The following HSPA4L variants were observed in gnomAD, a reference collection of about 807,000 sequenced individuals.
HSPA4L encodes the protein heat shock 70 kDa protein 4L.
In HSPA4L, 48 loss-of-function variants were observed where a neutral mutation model predicts 100.3. The observed-to-expected ratio is 0.48, with a 90% confidence interval of 0.38 to 0.61. The LOEUF (loss-of-function observed/expected upper bound fraction) is 0.61, where lower values mean the gene tolerates loss of function less well. Ranked by LOEUF, HSPA4L falls within the 20% of genes least tolerant of loss-of-function variation. HSPA4L has a pLI of 0.00. For missense variants in HSPA4L, 886 were observed against 988.6 expected, an observed-to-expected ratio of 0.90 and a Z score of 1.39; for synonymous variants, 319 against 328.2, an observed-to-expected ratio of 0.97 and a Z score of 0.30.
intron 16 of HSPA4L, among the ~76,000 whole-genome samples, chr4:127,825,465 A>G (rs1298272563): frequency 6.6e-6 from 1 of 152,186 alleles, no homozygotes; most frequent in African/African-American, 2.4e-5. Context: ...GGTGTGCAAA[A>G]GAAGTTACTC....
In HSPA4L at chr4:127,836,144, G is replaced by T. The variant is rs1298381200; in HGVS notation, c.*3270G>T. 6.6e-6 allele frequency: 1 copy of T among 152,250 alleles called. No individual in the cohort carries two copies. The allele number at this position is 152,250 out of a possible 1,614,324, so 9.4% of individuals were successfully genotyped here. A position where few individuals can be genotyped will look rare whatever the true frequency, so the allele number is the denominator to read the frequency against. On this transcript the variant is annotated 3_prime_UTR_variant, in exon 19 of 19. Coordinates refer to ENST00000296464, the MANE Select transcript of HSPA4L (RefSeq NM_014278.4). The stretch of plus-strand genomic sequence containing the variant: ...GCACTTTGGGAGGCCAAGGCGGGCA[G>T]ATCACGAGGTCAGGAGATCAAGACC...
intron 14 of HSPA4L, among the ~76,000 whole-genome samples, chr4:127,821,801 A>G (rs527441385): frequency 2.6e-5 from 4 of 152,262 alleles, no homozygotes; most frequent in Admixed American, 2.0e-4. Context: ...TAGCAGCCCT[A>G]TGAGTTAGAT....
chr4:127,802,300 C>G (rs1056910300), intron 6 of HSPA4L, among the ~76,000 whole-genome samples: 3 of 152,016 alleles, frequency 2.0e-5, no homozygotes, highest in Admixed American at 6.6e-5. Context: ...TTTTAGAAAC[C>G]TTTCTATCCA....
chr4:127,800,881 C>A (rs1400494178), intron 4 of HSPA4L, among the ~76,000 whole-genome samples: 1 of 152,034 alleles, frequency 6.6e-6, no homozygotes, highest in Non-Finnish European at 1.5e-5. Flanking sequence ...CAGAATAACA[C>A]AGGAAGTATT....
intron 17 of HSPA4L, among the ~76,000 whole-genome samples, chr4:127,829,090 A>G (rs1281502525): frequency 6.6e-6 from 1 of 152,172 alleles, no homozygotes; most frequent in Non-Finnish European, 1.5e-5. Context: ...CAGGGTTGGA[A>G]GAGGTTTGTC....
At chr4:127,782,244 G>A (rs1732574254), upstream of HSPA4L, 4 of 406,802 alleles carry the variant, frequency 9.8e-6, no homozygotes, top group Admixed American at 7.7e-5. Flanking sequence ...GCGCGGAGCG[G>A]AGGCTCGCGC....
In HSPA4L at chr4:127,836,461, G is replaced by A. The variant is rs940182648; in HGVS notation, c.*3587G>A. The A allele has an allele frequency of 6.6e-6, 1 of 151,952 alleles. No homozygotes were observed. The highest frequency in any genetic ancestry group is 2.4e-5 in the African/African-American group (1 of 41,372). The allele number at this position is 151,952 out of a possible 1,614,324, so 9.4% of individuals were successfully genotyped here. On this transcript the variant is annotated 3_prime_UTR_variant, in exon 19 of 19. Transcript: ENST00000296464. ...TAAAGGTTTCTTATGCTTTTTTGGG[G>A]GGGGGTGTCAATTTTTAGTATATTA...
Position 127,805,136 on chromosome 4 carries a change from T to C in HSPA4L, c.1049T>C (p.Val350Ala). 1 of 1,611,856 alleles carries C rather than the reference T, an allele frequency of 6.2e-7. No individual in the cohort carries two copies. The highest frequency in any genetic ancestry group is 8.5e-7 in the Non-Finnish European group (1 of 1,178,366). The change falls in exon 9 of 19, where the codon GTG becomes GCG. Residue 350 changes from valine to alanine, a missense_variant. Transcript: ENST00000296464. ...GGAGGAGCAACACGAATTCCTGCAG[T>C]GAAAGAACAAATCACTAAATTCTTT... Reference protein sequence around the residue: ...IVGGATRIPAVKEQITKFFLK... With the variant: ...IVGGATRIPAAKEQITKFFLK...
chr4:127,831,598 T>C (rs865791874), intron 18 of HSPA4L, among the ~76,000 whole-genome samples: 4 of 151,456 alleles, frequency 2.6e-5, no homozygotes, highest in African/African-American at 9.7e-5. Flanking sequence ...TATGCAGCCA[T>C]TAAATATAGC....
intron 6 of HSPA4L, among the ~76,000 whole-genome samples, chr4:127,803,422 A>G (rs1478685152): frequency 3.9e-5 from 6 of 152,188 alleles, no homozygotes; most frequent in South Asian, 4.1e-4. Flanking sequence ...ATCTGTAACT[A>G]TAAAGTAGAA....
intron 14 of HSPA4L, 114 bp downstream of exon 14, chr4:127,820,679 T>C (rs1733788463): frequency 1.1e-6 from 1 of 913,138 alleles, no homozygotes; most frequent in Non-Finnish European, 1.7e-6. Flanking sequence ...TAAGGAATTA[T>C]ATTAAGTAGA....
At chr4:127,811,396 T>C (rs745786266) in intron 11 of HSPA4L, 41 bp from the exon 12 acceptor site, 39 of 1,433,534 alleles carry the variant, frequency 2.7e-5, no homozygotes, top group Non-Finnish European at 3.4e-5. Context: ...AATAAGTTAA[T>C]CTGAGGCTCA....
chr4:127,809,942 C>T (rs1322655864), intron 11 of HSPA4L, among the ~76,000 whole-genome samples: 2 of 152,154 alleles, frequency 1.3e-5, no homozygotes, highest in East Asian at 3.8e-4. Flanking sequence ...AGTTTACAGT[C>T]AACATGTATC....
chr4:127,795,555 T>C (rs1732994350), intron 2 of HSPA4L, among the ~76,000 whole-genome samples: 1 of 152,120 alleles, frequency 6.6e-6, no homozygotes, highest in Admixed American at 6.5e-5. Context: ...ATTCCCAGGA[T>C]AGGTGGATAA....
intron 16 of HSPA4L, among the ~76,000 whole-genome samples, chr4:127,824,315 A>G (rs1242263470): frequency 1.3e-5 from 2 of 152,164 alleles, no homozygotes; most frequent in Admixed American, 1.3e-4. Context: ...GAGTTTAGAT[A>G]TCTCTTTGGC....
chr4:127,831,521 A>ATTTG (rs1560673573), intron 18 of HSPA4L, among the ~76,000 whole-genome samples: 1 of 151,434 alleles, frequency 6.6e-6, no homozygotes, highest in East Asian at 2.0e-4. Context: ...AAAAAAAAAA[A>ATTTG]AAGGAAGCAA....
intron 10 of HSPA4L, among the ~76,000 whole-genome samples, chr4:127,806,198 C>A (rs547365049): frequency 2.6e-4 from 39 of 151,812 alleles, no homozygotes; most frequent in Admixed American, 9.2e-4. Context: ...ATCTCTAGTG[C>A]AACTTAGCTT....
chr4:127,813,163 T>C lies in HSPA4L; in HGVS notation c.1578+1527T>C, dbSNP rs554584897. The C allele has an allele frequency of 6.8e-5, 97 of 1,430,890 alleles. No homozygotes were observed. The African/African-American group carries it at 7.5e-4, about 11-fold the overall frequency. The allele number at this position is 1,430,890 out of a possible 1,614,324, so 88.6% of individuals were successfully genotyped here. A position where few individuals can be genotyped will look rare whatever the true frequency, so the allele number is the denominator to read the frequency against. On this transcript the variant is annotated intron_variant, in intron 12 of 18. Transcript: ENST00000296464. ...TTTTCTAAAAGGCCTAGAGAACATA[T>C]ATCGGGTGCCTCTCCTCTTTCCCTT...
chr4:127,811,780 T>C, intron 12 of HSPA4L, 144 bp downstream of exon 12: 1 of 622,638 alleles, frequency 1.6e-6, no homozygotes, highest in Non-Finnish European at 2.8e-6. Flanking sequence ...TATAAAGTCT[T>C]TTGATAAAAG....
Sources: gnomAD v4.1 joint callset for allele counts (sites outside exome capture counted in the v4.1 genomes callset) on GRCh38, gnomAD v4.1.1 for gene constraint, MANE v1.5 for transcripts, NCBI Gene and HGNC (gene_info 2026-07-23, HGNC 2026-07-21) for gene names.